The following DNASE2B variants were observed in gnomAD, a reference collection of about 807,000 sequenced individuals.
DNASE2B encodes deoxyribonuclease-2-beta.
Under a neutral mutation model 46.0 loss-of-function variants are expected in DNASE2B, and 43 were observed. The observed-to-expected ratio is 0.94, with a 90% CI of 0.73 to 1.21. The LOEUF is 1.21. DNASE2B is among the 50% of genes most tolerant of loss of function. The pLI is 0.00. For missense variants in DNASE2B, 395 were observed against 414.4 expected, an observed-to-expected ratio of 0.95 and a Z score of 0.41; for synonymous variants, 156 against 152.5, an observed-to-expected ratio of 1.02 and a Z score of -0.17.
Position 84,414,897 on chromosome 1 carries a change from T to C in DNASE2B, c.*29T>C, listed in dbSNP as rs1252160185. On this transcript the variant is annotated 3_prime_UTR_variant, in exon 6 of 6. Transcript: ENST00000370665. ...TGGTGAAAGGACACAGGTACTATCA[T>C]TGAAAACCTTGACAATGGGTCTTCT... 4.6e-6 allele frequency: 7 copies of C among 1,523,800 alleles called. No homozygotes were observed. The Admixed American group carries it at 7.3e-5, about 16-fold the overall frequency. The allele number at this position is 1,523,800 out of a possible 1,614,324, so 94.4% of individuals were successfully genotyped here. A position where few individuals can be genotyped will look rare whatever the true frequency, so the allele number is the denominator to read the frequency against.
intron 4 of DNASE2B, among the ~76,000 whole-genome samples, chr1:84,411,407 G>A (rs1156506603): frequency 6.8e-6 from 1 of 146,146 alleles, no homozygotes; most frequent in East Asian, 2.1e-4. Flanking sequence ...TATTTCTCAT[G>A]AAGTACCAGA....
rs543292992 is a variant in DNASE2B at position 84,414,379 on chromosome 1, T to A, written c.746-149T>A. The A allele has an allele frequency of 1.1e-5, 7 of 647,246 alleles. No homozygotes were observed. The South Asian group carries it at 1.7e-4, about 15-fold the overall frequency. 40.1% of individuals were successfully genotyped at this position (647,246 alleles called of 1,614,324 possible). On this transcript the variant is annotated intron_variant, in intron 5 of 5. Coordinates refer to ENST00000370665, the MANE Select transcript of DNASE2B (RefSeq NM_021233.3). ...ACTTTAGCATTTACAAAATGTTTTC[T>A]CATCCACTATCTCAATTATGTTGTT...
chr1:84,408,403 T>C, intron 2 of DNASE2B, 34 bp from the exon 3 acceptor site: 1 of 1,577,968 alleles, frequency 6.3e-7, no homozygotes, highest in African/African-American at 1.4e-5. Flanking sequence ...AAGTGGAAGA[T>C]TTACGCCATT....
intron 2 of DNASE2B, among the ~76,000 whole-genome samples, chr1:84,407,475 A>T (rs970955555): frequency 6.6e-6 from 1 of 152,180 alleles, no homozygotes; most frequent in African/African-American, 2.4e-5. Context: ...CATTGAAAAA[A>T]AAATTTTATC....
In DNASE2B at chr1:84,401,952, T is replaced by C. The variant is rs1481664210; in HGVS notation, c.177T>C (p.Thr59=). The C allele has an allele frequency of 3.8e-6, 6 of 1,579,194 alleles. No homozygotes were observed. Among genetic ancestry groups the C allele is most frequent in the Non-Finnish European group, 5.1e-6 (6 of 1,168,332 alleles). Residue 59 remains threonine, a synonymous_variant, in exon 2 of 6, where the codon ACT becomes ACC. Coordinates refer to ENST00000370665, the MANE Select transcript of DNASE2B (RefSeq NM_021233.3). ...PKRQNKESGE[T]GLEYLYLDST... is the part of the protein sequence containing the mutation. ...GACAAAACAAGGAAAGTGGAGAGAC[T>C]GGGTTAGAGTACCTGTACCTAGACT...
intron 2 of DNASE2B, among the ~76,000 whole-genome samples, chr1:84,402,297 C>T (rs1680434863): frequency 6.6e-6 from 1 of 152,200 alleles, no homozygotes; most frequent in Non-Finnish European, 1.5e-5. Context: ...ATTTACTTGG[C>T]ACCATGTCCA....
intron 4 of DNASE2B, among the ~76,000 whole-genome samples, chr1:84,411,725 T>G (rs1476790760): frequency 6.6e-6 from 1 of 152,276 alleles, no homozygotes; most frequent in East Asian, 1.9e-4. Flanking sequence ...AACTTGCCTA[T>G]AGAAACAGGA....
chr1:84,410,725 C>A, intron 3 of DNASE2B, 113 bp from the exon 4 acceptor site: 2 of 974,322 alleles, frequency 2.1e-6, no homozygotes, highest in Non-Finnish European at 3.0e-6. Flanking sequence ...GATTATTAGC[C>A]TAATAAAACA....
In DNASE2B at chr1:84,410,865, G is replaced by T. The variant is rs201348404; in HGVS notation, c.413G>T (p.Gly138Val). 977 of 1,613,482 alleles carry T rather than the reference G, an allele frequency of 6.1e-4. 2 individuals carry two copies. The highest frequency in any genetic ancestry group is 7.1e-4 in the Non-Finnish European group (834 of 1,179,686). The change falls in exon 4 of 6, where the codon GGG becomes GTG. Residue 138 changes from glycine (G) to valine (V), a missense_variant. Physicochemically the swap from Gly to Val is moderately radical, Grantham distance 109. Transcript: ENST00000370665. Reference protein sequence around the residue: ...KGLLLWNRVQGFWLIHSIPQF... With the variant: ...KGLLLWNRVQVFWLIHSIPQF... ...TTACTGCTGTGGAACAGAGTTCAAG[G>T]GTTCTGGCTGATTCATTCCATCCCT... is the stretch of plus-strand genomic sequence containing the variant.
Position 84,401,991 on chromosome 1 carries a change from C to T in DNASE2B, c.216C>T (p.Ser72=). Residue 72 remains serine, a synonymous_variant, in exon 2 of 6, where the codon AGC becomes AGT. Transcript: ENST00000370665. ...EYLYLDSTTR[S]WRKSEQLMND... is the part of the protein sequence containing the mutation. ...TGTACCTAGACTCTACAACTAGAAG[C>T]TGGAGGAAGAGTGAGCAACTAATGA... The T allele has an allele frequency of 6.2e-7, 1 of 1,608,714 alleles. No individual in the cohort carries two copies. Among genetic ancestry groups the T allele is most frequent in the Non-Finnish European group, 8.5e-7 (1 of 1,178,124 alleles).
intron 5 of DNASE2B, among the ~76,000 whole-genome samples, chr1:84,414,090 T>A (rs1680648723): frequency 6.6e-6 from 1 of 152,188 alleles, no homozygotes; most frequent in Admixed American, 6.5e-5. Context: ...TCAACTGATA[T>A]TTATGATCAT....
intron 2 of DNASE2B, among the ~76,000 whole-genome samples, chr1:84,404,839 G>C (rs1680473281): frequency 6.6e-6 from 1 of 152,192 alleles, no homozygotes; most frequent in Admixed American, 6.5e-5. Context: ...AGAGTTAGCA[G>C]CTTTATAGAT....
In DNASE2B at chr1:84,410,934, C is replaced by T. The variant is rs1318091308; in HGVS notation, c.482C>T (p.Thr161Ile). 6.2e-7 allele frequency: 1 copy of T among 1,613,050 alleles called. No individual in the cohort carries two copies. The highest frequency in any genetic ancestry group is 1.1e-5 in the South Asian group (1 of 90,782). The change falls in exon 4 of 6, where the codon ACA becomes ATA. Residue 161 changes from threonine to isoleucine, a missense_variant. Thr to Ile is a moderately conservative substitution (Grantham distance 89, BLOSUM62 -1). Transcript: ENST00000370665. ...IPEEGYDYPPTGRRNGQSGIC... is the reference protein window; with the variant it reads ...IPEEGYDYPPIGRRNGQSGIC... ...GAAGAAGGCTATGATTATCCACCCACAGGGAGACGAAATGGACAAAGTGGC... is the reference window on the plus strand; with the variant it reads ...GAAGAAGGCTATGATTATCCACCCATAGGGAGACGAAATGGACAAAGTGGC...
intron 5 of DNASE2B, 33 bp from the exon 6 acceptor site, chr1:84,414,495 C>G (rs377602479): frequency 9.4e-5 from 145 of 1,543,254 alleles, no homozygotes; most frequent in Non-Finnish European, 1.2e-4. Context: ...GTGTAAATAC[C>G]AACCTCACTA....
chr1:84,411,356 T>TG (rs1680587727), intron 4 of DNASE2B, among the ~76,000 whole-genome samples: 1 of 152,066 alleles, frequency 6.6e-6, no homozygotes, highest in South Asian at 2.1e-4. Context: ...CATCATACTG[T>TG]GGCTCTACAG....
chr1:84,410,359 A>G (rs964208403), intron 3 of DNASE2B, among the ~76,000 whole-genome samples: 33 of 152,160 alleles, frequency 2.2e-4, no homozygotes, highest in African/African-American at 8.0e-4. Flanking sequence ...CTGCCAATAA[A>G]TGGGCAGCAG....
Position 84,410,999 on chromosome 1 carries a change from G to A in DNASE2B, c.547G>A (p.Asp183Asn), listed in dbSNP as rs1332736558. Residue 183 changes from aspartate (D) to asparagine (N), a missense_variant and splice_region_variant, in exon 4 of 6, where the codon GAT becomes AAT. Transcript: ENST00000370665. ...TFKYNQYEAI[D>N]SQLLVCNPNV... ...CAAGTACAACCAGTATGAGGCAATAGGTAAAACTAAAGTATGTGAGAAAAA... is the reference window on the plus strand; with the variant it reads ...CAAGTACAACCAGTATGAGGCAATAAGTAAAACTAAAGTATGTGAGAAAAA... 2 of 1,599,842 alleles carry A rather than the reference G, an allele frequency of 1.3e-6. No individual in the cohort carries two copies. The highest frequency in any genetic ancestry group is 2.3e-5 in the East Asian group (1 of 44,426).
In DNASE2B at chr1:84,412,514, T is replaced by C; in HGVS notation, c.713T>C (p.Leu238Pro). Residue 238 changes from leucine to proline, a missense_variant, in exon 5 of 6, where the codon CTC becomes CCC. Physicochemically the swap from Leu to Pro is moderately conservative, Grantham distance 98. Coordinates refer to ENST00000370665, the MANE Select transcript of DNASE2B (RefSeq NM_021233.3). ...TLQSAQGQKF[L>P]HFAKSDSFLD... ...CAGTCGGCCCAGGGACAAAAATTCC[T>C]CCATTTTGCAAAGTCGGATTCTTTT... 1 of 1,612,574 alleles carries C rather than the reference T, an allele frequency of 6.2e-7. No individual in the cohort carries two copies. The highest frequency in any genetic ancestry group is 8.5e-7 in the Non-Finnish European group (1 of 1,179,416).
intron 3 of DNASE2B, 91 bp from the exon 4 acceptor site, chr1:84,410,747 C>A: frequency 1.6e-6 from 2 of 1,241,932 alleles, no homozygotes; most frequent in Non-Finnish European, 2.2e-6. Flanking sequence ...TAGTCTGAAG[C>A]ATAAATGGGC....
Sources: gnomAD v4.1 joint callset for allele counts (sites outside exome capture counted in the v4.1 genomes callset) on GRCh38, gnomAD v4.1.1 for gene constraint, MANE v1.5 for transcripts, NCBI Gene and HGNC (gene_info 2026-07-23, HGNC 2026-07-21) for gene names.